Variants in IMMP2L observed in about 807,000 individuals in gnomAD.
IMMP2L encodes mitochondrial inner membrane protease subunit 2.
A neutral mutation model predicts 19.3 loss-of-function variants in IMMP2L; 18 were observed. The observed-to-expected ratio is 0.93, with a 90% confidence interval of 0.64 to 1.38. The LOEUF (loss-of-function observed/expected upper bound fraction) is 1.38, where lower values mean the gene tolerates loss of function less well. Ranked by LOEUF, IMMP2L falls within the 40% of genes most tolerant of loss-of-function variation. The pLI is 0.00. For missense variants in IMMP2L, 233 were observed against 218.2 expected, an observed-to-expected ratio of 1.07 and a Z score of -0.43; for synonymous variants, 76 against 73.0, an observed-to-expected ratio of 1.04 and a Z score of -0.21.
At chr7:111,215,325 CTAAG>C in intron 3 of IMMP2L, among the ~76,000 whole-genome samples, 1 of 152,224 alleles carries the variant, frequency 6.6e-6, no homozygotes, top group African/African-American at 2.4e-5. Flanking sequence ...CAAAAAGTTG[CTAAG>C]TAACAGTATT....
intron 3 of IMMP2L, among the ~76,000 whole-genome samples, chr7:111,289,097 G>A (rs1367898452): frequency 2.0e-5 from 3 of 152,218 alleles, no homozygotes; most frequent in East Asian, 1.9e-4. Flanking sequence ...CATAAAAAAG[G>A]ATGAGTTCGT....
chr7:111,190,024 T>C (rs1039314549), intron 3 of IMMP2L, among the ~76,000 whole-genome samples: 3 of 152,128 alleles, frequency 2.0e-5, no homozygotes, highest in Non-Finnish European at 2.9e-5. Flanking sequence ...TCAGTGGAAA[T>C]TAACATGGCC....
At chr7:111,351,394 T>A (rs1828142364) in intron 3 of IMMP2L, among the ~76,000 whole-genome samples, 1 of 152,096 alleles carries the variant, frequency 6.6e-6, no homozygotes, top group South Asian at 2.1e-4. Context: ...TTTCACCATG[T>A]TGACCAGGCT....
intron 3 of IMMP2L, chr7:111,124,494 T>C (rs1320690661): frequency 6.2e-7 from 1 of 1,613,840 alleles, no homozygotes; most frequent in African/African-American, 1.3e-5. Flanking sequence ...TACCATCTGA[T>C]GTCAAGGTAT....
At chr7:110,782,613 C>G (rs1426370688) in intron 5 of IMMP2L, among the ~76,000 whole-genome samples, 1 of 151,586 alleles carries the variant, frequency 6.6e-6, no homozygotes, top group Non-Finnish European at 1.5e-5. Context: ...TATTAGGTCC[C>G]TTAAAAAAAT....
At chr7:110,766,161 A>T (rs1267162387) in intron 5 of IMMP2L, among the ~76,000 whole-genome samples, 2 of 152,242 alleles carry the variant, frequency 1.3e-5, no homozygotes, top group Non-Finnish European at 2.9e-5. Context: ...ATTTCCAAAT[A>T]ACATAGGAGA....
chr7:111,421,673 C>G lies in IMMP2L; in HGVS notation c.239+65565G>C, dbSNP rs966654043. 2.0e-5 allele frequency among the ~76,000 whole-genome samples: 3 copies of G among 151,664 alleles called. 1 individual carries two copies. The highest frequency in any genetic ancestry group is 4.9e-5 in the African/African-American group (2 of 41,010). ...AATTTTCTCCCATTCTGTAGATTGC[C>G]TGTTCACTCTGATGGTAGTTTCTTT... is the stretch of plus-strand genomic sequence containing the variant. On this transcript the variant is annotated intron_variant, in intron 3 of 5. Coordinates refer to ENST00000405709, the MANE Select transcript of IMMP2L (RefSeq NM_032549.4).
At chr7:110,979,726 T>C (rs2129557792) in intron 3 of IMMP2L, among the ~76,000 whole-genome samples, 1 of 151,682 alleles carries the variant, frequency 6.6e-6, no homozygotes, top group East Asian at 1.9e-4. Context: ...ACCTCAATAG[T>C]AAGAAAACAA....
chr7:110,747,122 C>T (rs1483660323), intron 5 of IMMP2L, among the ~76,000 whole-genome samples: 1 of 152,130 alleles, frequency 6.6e-6, no homozygotes. Context: ...ACTATAAACA[C>T]CTCTACACAA....
rs1255967009 is a variant in IMMP2L at position 110,870,605 on chromosome 7, A to G, written c.408+15988T>C. 6.6e-6 allele frequency among the ~76,000 whole-genome samples: 1 copy of G among 152,192 alleles called. No homozygotes were observed. Among genetic ancestry groups the G allele is most frequent in the East Asian group, 1.9e-4 (1 of 5,186 alleles). Reference sequence around the variant, plus strand: ...GTGTGTTCCATTTTGTTAGATGCACAGAAAAAACTCTTCCCTGAAGTGGGG... The same window carrying G: ...GTGTGTTCCATTTTGTTAGATGCACGGAAAAAACTCTTCCCTGAAGTGGGG... On this transcript the variant is annotated intron_variant, in intron 5 of 5. Coordinates refer to ENST00000405709, the MANE Select transcript of IMMP2L (RefSeq NM_032549.4). This position sits in a 1 kb window ranked among gnomAD's most constrained non-coding sequence, Gnocchi z 4.2.
intron 3 of IMMP2L, among the ~76,000 whole-genome samples, chr7:111,282,790 G>C (rs950469771): frequency 3.3e-5 from 5 of 151,956 alleles, no homozygotes; most frequent in African/African-American, 9.7e-5. Context: ...CACCATGTTG[G>C]CCAGGCTGGT....
intron 4 of IMMP2L, among the ~76,000 whole-genome samples, chr7:110,899,966 G>A (rs1811698906): frequency 6.6e-6 from 1 of 152,116 alleles, no homozygotes; most frequent in African/African-American, 2.4e-5. Context: ...TCAATTATAA[G>A]CCTGACTTTT....
chr7:111,237,993 T>G lies in IMMP2L; in HGVS notation c.239+249245A>C, dbSNP rs115500673. ...TAGTATTTGGCACTAAGCTGGCTAT[T>G]ATTTTATTAAGTTTAATGTTATGCT... is the stretch of plus-strand genomic sequence containing the variant. On this transcript the variant is annotated intron_variant, in intron 3 of 5. Transcript: ENST00000405709. 8.8e-3 allele frequency among the ~76,000 whole-genome samples: 1,335 copies of G among 152,208 alleles called. 23 individuals carry two copies. Among genetic ancestry groups the G allele is most frequent in the African/African-American group, 0.03 (1,256 of 41,548 alleles).
At chr7:111,266,093 C>T (rs1673071064) in intron 3 of IMMP2L, among the ~76,000 whole-genome samples, 1 of 152,082 alleles carries the variant, frequency 6.6e-6, no homozygotes, top group Non-Finnish European at 1.5e-5. Flanking sequence ...GCATATTTTA[C>T]TTACTTAGTT....
intron 4 of IMMP2L, among the ~76,000 whole-genome samples, chr7:110,905,790 AT>A (rs1263650527): frequency 6.6e-6 from 1 of 152,156 alleles, no homozygotes; most frequent in Non-Finnish European, 1.5e-5. Context: ...TGTCAGCTTG[AT>A]TTTTTTAAAG....
chr7:110,940,269 A>G (rs1816589496), intron 4 of IMMP2L, among the ~76,000 whole-genome samples: 1 of 151,744 alleles, frequency 6.6e-6, no homozygotes, highest in Non-Finnish European at 1.5e-5. Context: ...CAGTGAGCCA[A>G]GATTGCACCA....
At chr7:110,885,404 G>A (rs564199304) in intron 5 of IMMP2L, among the ~76,000 whole-genome samples, 1 of 151,772 alleles carries the variant, frequency 6.6e-6, no homozygotes, top group Non-Finnish European at 1.5e-5. Flanking sequence ...AAAATGTAAT[G>A]AGTGAAGATC....
intron 3 of IMMP2L, among the ~76,000 whole-genome samples, chr7:111,293,210 T>A (rs1275799252): frequency 6.6e-6 from 1 of 152,142 alleles, no homozygotes; most frequent in Non-Finnish European, 1.5e-5. Flanking sequence ...AAAAGACTGA[T>A]CAGGTATAAA....
chr7:110,689,906 A>G (rs1793374999), intron 5 of IMMP2L, among the ~76,000 whole-genome samples: 1 of 152,182 alleles, frequency 6.6e-6, no homozygotes. Context: ...TCGGTTTAGA[A>G]CTTCAACCAC....
Sources: gnomAD v4.1 joint callset for allele counts (sites outside exome capture counted in the v4.1 genomes callset) on GRCh38, gnomAD v4.1.1 for gene constraint, Gnocchi (gnomAD v3.1) non-coding constraint, MANE v1.5 for transcripts, NCBI Gene and HGNC (gene_info 2026-07-23, HGNC 2026-07-21) for gene names.